The following FGF14 variants were observed in gnomAD, a reference collection of about 807,000 sequenced individuals.
The protein encoded by FGF14 is fibroblast growth factor 14, also known as fibroblast growth factor homologous factor 4.
FGF14 carries 5 observed loss-of-function variants against 25.5 expected under a neutral mutation model. The ratio of observed to expected loss-of-function variants is 0.20; its 90% confidence interval spans 0.10 to 0.41. FGF14 has a LOEUF of 0.41. Among genes scored for constraint, FGF14 ranks in the 10% least tolerant of loss-of-function variants. The pLI is 1.00. For missense variants in FGF14, 222 were observed against 320.1 expected, an observed-to-expected ratio of 0.69 and a Z score of 2.34; for synonymous variants, 138 against 118.3, an observed-to-expected ratio of 1.17 and a Z score of -1.08.
intron 3 of FGF14, among the ~76,000 whole-genome samples, chr13:101,840,732 A>G (rs2043156404): frequency 6.6e-6 from 1 of 151,996 alleles, no homozygotes; most frequent in Admixed American, 6.6e-5. Context: ...CACACATAAC[A>G]GAGCCCTTTC....
At chr13:102,166,761 G>A (rs762046970) in intron 1 of FGF14, among the ~76,000 whole-genome samples, 1 of 152,130 alleles carries the variant, frequency 6.6e-6, no homozygotes, top group Non-Finnish European at 1.5e-5. Context: ...AAAATAAGGC[G>A]TCTTCCAATA....
intron 1 of FGF14, among the ~76,000 whole-genome samples, chr13:102,266,448 A>G (rs1321371451): frequency 6.6e-6 from 1 of 152,148 alleles, no homozygotes; most frequent in East Asian, 1.9e-4. Context: ...AACAAGGCTA[A>G]TCCTCTTTGT....
At chr13:101,988,661 A>C (rs2038725488) in intron 1 of FGF14, among the ~76,000 whole-genome samples, 1 of 139,304 alleles carries the variant, frequency 7.2e-6, no homozygotes, top group Non-Finnish European at 1.5e-5. Context: ...AACAATGAGA[A>C]CACATGGACA....
intron 1 of FGF14, among the ~76,000 whole-genome samples, chr13:101,990,279 G>T (rs911289780): frequency 1.3e-5 from 2 of 152,044 alleles, no homozygotes; most frequent in African/African-American, 4.8e-5. Flanking sequence ...ACAACCACAG[G>T]CAGCAACTAC....
At chr13:102,293,297 T>C (rs1423770533) in intron 1 of FGF14, 1 of 152,252 alleles carries the variant, frequency 6.6e-6, no homozygotes, top group Non-Finnish European at 1.5e-5. Flanking sequence ...AATTAATTTA[T>C]GTGAAATTTG....
intron 2 of FGF14, among the ~76,000 whole-genome samples, chr13:101,871,377 G>A (rs185157642): frequency 3.0e-4 from 45 of 152,220 alleles, no homozygotes; most frequent in African/African-American, 8.2e-4. Context: ...CTTTGGGAAC[G>A]GGTTTAGGAC....
chr13:102,181,653 A>C (rs1435337981), intron 1 of FGF14, among the ~76,000 whole-genome samples: 2 of 152,168 alleles, frequency 1.3e-5, no homozygotes, highest in Non-Finnish European at 2.9e-5. Flanking sequence ...CCTTTTCAAA[A>C]AAGTCTTTAT....
At chr13:102,093,048 TACAG>T (rs2044237379) in intron 1 of FGF14, among the ~76,000 whole-genome samples, 3 of 152,180 alleles carry the variant, frequency 2.0e-5, no homozygotes, top group Admixed American at 2.0e-4. Context: ...CACATATATA[TACAG>T]ACAACCCTTG....
intron 1 of FGF14, among the ~76,000 whole-genome samples, chr13:102,315,952 A>G (rs972771279): frequency 1.3e-5 from 2 of 152,220 alleles, no homozygotes; most frequent in South Asian, 4.1e-4. Context: ...GCAAAAAAGC[A>G]GAAACTAGGA....
intron 1 of FGF14, among the ~76,000 whole-genome samples, chr13:101,929,318 A>C (rs1337240579): frequency 6.6e-6 from 1 of 152,214 alleles, no homozygotes; most frequent in Non-Finnish European, 1.5e-5. Flanking sequence ...GTCACCAGCT[A>C]GTCAAGGTGG....
rs897207160 is a variant in FGF14, at chr13:101,947,752, C to G, written c.209-72456G>C. On this transcript the variant is annotated intron_variant, in intron 1 of 4. Transcript: ENST00000376131. ...GGTACTCTTCCCACTACATAGGTGACAGGATCCATACCCCAAACCTCAGCA... is the reference window on the plus strand; with the variant it reads ...GGTACTCTTCCCACTACATAGGTGAGAGGATCCATACCCCAAACCTCAGCA... Among the ~76,000 whole-genome samples the G allele has an allele frequency of 2.0e-5, 3 of 152,170 alleles. No homozygotes were observed. The South Asian group carries it at 6.2e-4, about 32-fold the overall frequency.
intron 3 of FGF14, among the ~76,000 whole-genome samples, chr13:101,860,596 A>G (rs566362080): frequency 4.4e-4 from 67 of 152,128 alleles, no homozygotes; most frequent in African/African-American, 1.5e-3. Flanking sequence ...TGATTTTTAG[A>G]AATGGAGTCT....
chr13:102,372,524 G>GA (rs1319239626), intron 1 of FGF14, among the ~76,000 whole-genome samples: 1 of 152,148 alleles, frequency 6.6e-6, no homozygotes, highest in Non-Finnish European at 1.5e-5. Context: ...GTTCCCCAGA[G>GA]AAAATCTAAG....
chr13:102,236,016 A>G (rs1271244733), intron 1 of FGF14, among the ~76,000 whole-genome samples: 1 of 152,230 alleles, frequency 6.6e-6, no homozygotes, highest in Non-Finnish European at 1.5e-5. Flanking sequence ...CTTGTGGAAG[A>G]TAATAGTTAC....
intron 1 of FGF14, among the ~76,000 whole-genome samples, chr13:101,893,065 T>A (rs1334823856): frequency 6.6e-6 from 1 of 152,146 alleles, no homozygotes; most frequent in East Asian, 1.9e-4. Flanking sequence ...GACCCTGCAG[T>A]AGATGCCAGA....
chr13:101,927,951 C>T (rs2476227), intron 1 of FGF14, among the ~76,000 whole-genome samples: 79,582 of 152,054 alleles, frequency 0.52, 24,398 homozygotes, highest in African/African-American at 0.84. Flanking sequence ...CTCCTCCCAA[C>T]GGTAAGACAC....
At chr13:102,142,393 TA>T (rs572274485) in intron 1 of FGF14, among the ~76,000 whole-genome samples, 169 of 145,952 alleles carry the variant, frequency 1.2e-3, no homozygotes, top group East Asian at 6.8e-3. Flanking sequence ...TTTTACTCCT[TA>T]AAAAAAAAAA....
intron 3 of FGF14, among the ~76,000 whole-genome samples, chr13:101,753,092 AAGC>A (rs2037397147): frequency 6.6e-6 from 1 of 152,128 alleles, no homozygotes; most frequent in Non-Finnish European, 1.5e-5. Context: ...CCCCTAATAA[AAGC>A]AGGTTCTGTT....
chr13:102,038,985 T>C (rs2041605492), intron 1 of FGF14, among the ~76,000 whole-genome samples: 1 of 152,168 alleles, frequency 6.6e-6, no homozygotes, highest in Non-Finnish European at 1.5e-5. Flanking sequence ...GGTAGTGACA[T>C]GGATTAGCTC....
Sources: allele counts gnomAD v4.1 joint callset (sites outside exome capture counted in the v4.1 genomes callset), GRCh38; gene constraint gnomAD v4.1.1; transcripts MANE v1.5; gene names NCBI Gene and HGNC (gene_info 2026-07-23, HGNC 2026-07-21).